The following POU2F3 variants were observed in gnomAD, a reference collection of about 807,000 sequenced individuals.
The protein encoded by POU2F3 is POU class 2 homeobox 3.
Under a neutral mutation model 59.2 loss-of-function variants are expected in POU2F3, and 23 were observed. That is an observed-to-expected ratio of 0.39 (90% confidence interval 0.28 to 0.55). The LOEUF (loss-of-function observed/expected upper bound fraction) is 0.55, where lower values mean the gene tolerates loss of function less well. Ranked by LOEUF, POU2F3 falls within the 20% of genes least tolerant of loss-of-function variation. POU2F3 has a pLI of 0.66. For missense variants in POU2F3, 473 were observed against 544.5 expected (o/e 0.87, Z 1.31); for synonymous variants, 190 against 214.6 (o/e 0.89, Z 1.00).
At chr11:120,263,751 T>C (rs909734272) in intron 2 of POU2F3, among the ~76,000 whole-genome samples, 1 of 152,210 alleles carries the variant, frequency 6.6e-6, no homozygotes, top group Non-Finnish European at 1.5e-5. Flanking sequence ...ATAATGCTGC[T>C]GGCCATATGT....
At chr11:120,314,283 G>C (rs1019243385) in intron 10 of POU2F3, among the ~76,000 whole-genome samples, 1 of 152,232 alleles carries the variant, frequency 6.6e-6, no homozygotes, top group Non-Finnish European at 1.5e-5. Flanking sequence ...ACTGGGGAGA[G>C]CAGAACTACC....
chr11:120,240,377 G>T lies in POU2F3; in HGVS notation c.28+6G>T, dbSNP rs763734095. ...TCTGGAGTCCATGCACACAGGTGAG[G>T]GGCGGAGGGAATGAGCTCTGACAGG... On this transcript the variant is annotated splice_donor_region_variant and intron_variant, in intron 1 of 12. Coordinates refer to ENST00000543440, the MANE Select transcript of POU2F3 (RefSeq NM_014352.4). The T allele has an allele frequency of 3.6e-5, 52 of 1,428,654 alleles. No individual in the cohort carries two copies. Among genetic ancestry groups the T allele is most frequent in the Middle Eastern group, 3.7e-4 (2 of 5,374 alleles). 88.5% of individuals were successfully genotyped at this position (1,428,654 alleles called of 1,614,324 possible). A position where few individuals can be genotyped will look rare whatever the true frequency, so the allele number is the denominator to read the frequency against.
At chr11:120,239,084 G>C (rs115108481), upstream of POU2F3, among the ~76,000 whole-genome samples, 1 of 152,144 alleles carries the variant, frequency 6.6e-6, no homozygotes, top group African/African-American at 2.4e-5. Flanking sequence ...CAGGGGGAAA[G>C]GACACTGTAA....
At chr11:120,313,976 T>G (rs912509841) in intron 10 of POU2F3, among the ~76,000 whole-genome samples, 2 of 152,264 alleles carry the variant, frequency 1.3e-5, no homozygotes, top group African/African-American at 4.8e-5. Flanking sequence ...ATCGTGCCAT[T>G]GCACTCCAGC....
chr11:120,254,991 G>A (rs1179895918), intron 2 of POU2F3: 1 of 152,222 alleles, frequency 6.6e-6, no homozygotes, highest in Non-Finnish European at 1.5e-5. Flanking sequence ...AAAATAATAG[G>A]TGTTCATTTG....
intron 4 of POU2F3, 86 bp downstream of exon 4, chr11:120,298,476 A>G (rs1023715266): frequency 1.9e-6 from 3 of 1,559,262 alleles, no homozygotes; most frequent in Non-Finnish European, 2.6e-6. Flanking sequence ...GTACTCGTCT[A>G]AAGAACCCCC....
intron 3 of POU2F3, among the ~76,000 whole-genome samples, chr11:120,278,815 T>C (rs1180983060): frequency 6.6e-6 from 1 of 152,136 alleles, no homozygotes; most frequent in East Asian, 1.9e-4. Flanking sequence ...CCTGATAAAA[T>C]GACGGGTTGA....
At chr11:120,282,170 G>A (rs889144900) in intron 3 of POU2F3, among the ~76,000 whole-genome samples, 1 of 152,118 alleles carries the variant, frequency 6.6e-6, no homozygotes, top group Admixed American at 6.5e-5. Context: ...CCTGTGCCCT[G>A]GTGCTTCACT....
Position 120,285,083 on chromosome 11 carries a change from C to T in POU2F3, c.133-13182C>T, listed in dbSNP as rs1053724648. Among the ~76,000 whole-genome samples the T allele has an allele frequency of 1.1e-4, 16 of 152,200 alleles. No individual in the cohort carries two copies. Among genetic ancestry groups the T allele is most frequent in the East Asian group, 5.8e-4 (3 of 5,192 alleles). On this transcript the variant is annotated intron_variant, in intron 3 of 12. Coordinates refer to ENST00000543440, the MANE Select transcript of POU2F3 (RefSeq NM_014352.4). This position sits in a 1 kb window ranked among gnomAD's most constrained non-coding sequence, Gnocchi z 4.3. The stretch of plus-strand genomic sequence containing the variant: ...AAAATATTTAGTGCACGTAATGAAA[C>T]GAAGGTCAGAGTCGGTGATGTTAGT...
At chr11:120,290,839 C>T (rs144914584) in intron 3 of POU2F3, among the ~76,000 whole-genome samples, 9 of 152,310 alleles carry the variant, frequency 5.9e-5, no homozygotes, top group African/African-American at 1.9e-4. Flanking sequence ...CGCGTGCACG[C>T]GTGTGTACGT....
chr11:120,243,039 G>C (rs949642781), intron 1 of POU2F3, among the ~76,000 whole-genome samples: 2 of 152,188 alleles, frequency 1.3e-5, no homozygotes, highest in African/African-American at 4.8e-5. Flanking sequence ...GTTGGGAAAG[G>C]GGGGCTGAGT....
intron 2 of POU2F3, among the ~76,000 whole-genome samples, chr11:120,267,107 C>T (rs990405608): frequency 1.3e-5 from 2 of 152,072 alleles, no homozygotes; most frequent in Admixed American, 6.6e-5. Flanking sequence ...TGGGTCCTTC[C>T]CGTCTTTAGC....
chr11:120,278,620 A>G (rs1192240303), intron 3 of POU2F3, among the ~76,000 whole-genome samples: 1 of 152,194 alleles, frequency 6.6e-6, no homozygotes, highest in African/African-American at 2.4e-5. Context: ...TAAAAATGTC[A>G]GAGCAAGGGG....
intron 7 of POU2F3, 89 bp downstream of exon 7, chr11:120,305,301 G>C: frequency 6.9e-7 from 1 of 1,453,120 alleles, no homozygotes; most frequent in Non-Finnish European, 9.3e-7. Context: ...GCGACCAGAG[G>C]CTCGATGTGT....
intron 2 of POU2F3, among the ~76,000 whole-genome samples, chr11:120,267,753 A>G (rs1939892149): frequency 6.6e-6 from 1 of 151,894 alleles, no homozygotes; most frequent in African/African-American, 2.4e-5. Flanking sequence ...CAAAAAAAAA[A>G]TGGGTGTCAC....
At chr11:120,311,927 G>A (rs1941659003) in intron 10 of POU2F3, among the ~76,000 whole-genome samples, 1 of 152,158 alleles carries the variant, frequency 6.6e-6, no homozygotes, top group Non-Finnish European at 1.5e-5. Context: ...CAACCACGTA[G>A]ATGTGCGGAG....
At chr11:120,265,853 G>A (rs549411115) in intron 2 of POU2F3, 1 of 152,256 alleles carries the variant, frequency 6.6e-6, no homozygotes, top group South Asian at 2.1e-4. Flanking sequence ...ACACTCCAGG[G>A]CAGCACACTT....
At chr11:120,267,972 A>C (rs2135191216) in intron 2 of POU2F3, among the ~76,000 whole-genome samples, 1 of 152,192 alleles carries the variant, frequency 6.6e-6, no homozygotes, top group African/African-American at 2.4e-5. Flanking sequence ...TGTGAATAGG[A>C]AAAGCAATTT....
chr11:120,304,976 A>G, intron 6 of POU2F3, 54 bp from the exon 7 acceptor site: 1 of 1,141,176 alleles, frequency 8.8e-7, no homozygotes, highest in South Asian at 1.8e-5. Context: ...AAAAAATCAG[A>G]AAATGTTATT....
Sources: allele counts gnomAD v4.1 joint callset (sites outside exome capture counted in the v4.1 genomes callset), GRCh38; gene constraint gnomAD v4.1.1; non-coding constraint Gnocchi (gnomAD v3.1); transcripts MANE v1.5; gene names NCBI Gene and HGNC (gene_info 2026-07-23, HGNC 2026-07-21).